XPOT: variants seen among roughly 807,000 people sequenced by gnomAD.
The protein encoded by XPOT is exportin for tRNA, also known as exportin-T.
XPOT carries 34 observed loss-of-function variants against 128.2 expected under a neutral mutation model. The ratio of observed to expected loss-of-function variants is 0.27; its 90% confidence interval spans 0.20 to 0.35. The LOEUF (loss-of-function observed/expected upper bound fraction) is 0.35. Among genes scored for constraint, XPOT ranks in the 10% least tolerant of loss-of-function variants. XPOT has a pLI of 1.00. For synonymous variants in XPOT, 348 were observed against 394.3 expected, an observed-to-expected ratio of 0.88 and a Z score of 1.39; for missense variants, 838 against 1,125.3, an observed-to-expected ratio of 0.74 and a Z score of 3.65.
In XPOT at chr12:64,404,506, G is replaced by C. The variant is rs1036898403; in HGVS notation, c.-373G>C. 1.3e-5 allele frequency: 2 copies of C among 158,438 alleles called. No individual in the cohort carries two copies. Among genetic ancestry groups the C allele is most frequent in the African/African-American group, 2.4e-5 (1 of 41,428 alleles). 9.8% of individuals were successfully genotyped at this position (158,438 alleles called of 1,614,324 possible). On this transcript the variant is annotated 5_prime_UTR_variant, in exon 1 of 25. Transcript: ENST00000332707. ...TGCGGCGGCGGCGGCGGCGTTAGCC[G>C]GCCCTCGCGCTCTTTCCCTTCCTGG...
chr12:64,419,816 T>TA, intron 6 of XPOT, among the ~76,000 whole-genome samples: 1 of 152,312 alleles, frequency 6.6e-6, no homozygotes, highest in Admixed American at 6.5e-5. Flanking sequence ...AGAAATAACT[T>TA]AAAATATGCT....
chr12:64,438,227 T>C (rs1481984306), intron 22 of XPOT, among the ~76,000 whole-genome samples: 2 of 152,230 alleles, frequency 1.3e-5, no homozygotes, highest in African/African-American at 2.4e-5. Context: ...TTAAAGTGTT[T>C]TGCTTCAGAA....
chr12:64,405,893 G>T (rs930125289), intron 1 of XPOT, among the ~76,000 whole-genome samples: 1 of 152,208 alleles, frequency 6.6e-6, no homozygotes, highest in Non-Finnish European at 1.5e-5. Context: ...TGGGATTACA[G>T]GCGTGAGCCA....
intron 15 of XPOT, among the ~76,000 whole-genome samples, chr12:64,427,356 G>GA (rs2040201483): frequency 1.3e-5 from 2 of 152,002 alleles, no homozygotes; most frequent in African/African-American, 4.8e-5. Flanking sequence ...CCTGACCTGA[G>GA]ATGATCCACC....
intron 8 of XPOT, 93 bp from the exon 9 acceptor site, chr12:64,421,142 C>G (rs1020203700): frequency 2.2e-6 from 2 of 914,812 alleles, no homozygotes; most frequent in African/African-American, 3.3e-5. Flanking sequence ...AAATTGAATC[C>G]TGTAATTAGC....
chr12:64,433,489 G>A lies in XPOT; in HGVS notation c.2338G>A (p.Ala780Thr). The A allele has an allele frequency of 6.2e-7, 1 of 1,610,942 alleles. No homozygotes were observed. The highest frequency in any genetic ancestry group is 1.1e-5 in the South Asian group (1 of 90,592). Residue 780 changes from alanine (A) to threonine (T), a missense_variant, in exon 19 of 25, where the codon GCA becomes ACA. Coordinates refer to ENST00000332707, the MANE Select transcript of XPOT (RefSeq NM_007235.6). ...AATTTTTGAAGTGCTGCTCCGGCCA[G>A]CAGAAGAAAATGACCAGTCTGCTGC... ...HAIFEVLLRP[A>T]EENDQSAALE...
chr12:64,443,921 A>T (rs2040347084), intron 23 of XPOT, among the ~76,000 whole-genome samples: 1 of 152,222 alleles, frequency 6.6e-6, no homozygotes, highest in Non-Finnish European at 1.5e-5. Context: ...ATCATTTGAT[A>T]TGTAAATAAA....
chr12:64,447,293 G>A (rs973216209), intron 24 of XPOT, among the ~76,000 whole-genome samples: 3 of 152,114 alleles, frequency 2.0e-5, no homozygotes, highest in Admixed American at 1.3e-4. Flanking sequence ...ATTATGTCTG[G>A]TGCTCACCTG....
chr12:64,418,702 T>G (rs529157536), intron 5 of XPOT, among the ~76,000 whole-genome samples, 174 bp from the exon 6 acceptor site: 1 of 152,318 alleles, frequency 6.6e-6, no homozygotes, highest in African/African-American at 2.4e-5. Context: ...ACTTAAATAC[T>G]TTTGATAATT....
At chr12:64,417,750 A>G (rs1268408149) in intron 4 of XPOT, among the ~76,000 whole-genome samples, 3 of 152,226 alleles carry the variant, frequency 2.0e-5, no homozygotes, top group Admixed American at 6.5e-5. Context: ...TAGTTCACCT[A>G]TTGGTTTATT....
At chr12:64,418,024 T>G in intron 4 of XPOT, 22 bp from the exon 5 acceptor site, 1 of 1,591,588 alleles carries the variant, frequency 6.3e-7, no homozygotes, top group East Asian at 2.2e-5. Context: ...CCATTATTCT[T>G]TTTCTTCTCT....
At chr12:64,415,535 C>T (rs145883364) in intron 3 of XPOT, among the ~76,000 whole-genome samples, 1,945 of 151,994 alleles carry the variant, frequency 0.013, 44 homozygotes, top group African/African-American at 0.043. Context: ...TCACCATGCC[C>T]GGCTAATTTT....
chr12:64,406,594 C>G (rs1309079925), intron 1 of XPOT, among the ~76,000 whole-genome samples: 1 of 151,798 alleles, frequency 6.6e-6, no homozygotes, highest in African/African-American at 2.4e-5. Flanking sequence ...GTCTCGAACT[C>G]CCGACCTCAG....
intron 2 of XPOT, among the ~76,000 whole-genome samples, chr12:64,411,061 T>G (rs1191919727): frequency 6.6e-6 from 1 of 152,252 alleles, no homozygotes; most frequent in Non-Finnish European, 1.5e-5. Context: ...CAGTACCATG[T>G]GCATGTCTCT....
In XPOT at chr12:64,449,589, C is replaced by T. The variant is rs1378275944; in HGVS notation, c.*1458C>T. 1 of 152,174 alleles carries T rather than the reference C, an allele frequency of 6.6e-6. No homozygotes were observed. Among genetic ancestry groups the T allele is most frequent in the East Asian group, 1.9e-4 (1 of 5,200 alleles). The allele number at this position is 152,174 out of a possible 1,614,324, so 9.4% of individuals were successfully genotyped here. On this transcript the variant is annotated 3_prime_UTR_variant, in exon 25 of 25. Coordinates refer to ENST00000332707, the MANE Select transcript of XPOT (RefSeq NM_007235.6). ...CTTATAAACTCTGTAAAATTCTATT[C>T]TAAATTTTGTACATTTATTTTGTTC...
chr12:64,446,625 T>G (rs1011823751), intron 24 of XPOT, among the ~76,000 whole-genome samples: 1 of 149,518 alleles, frequency 6.7e-6, no homozygotes, highest in Admixed American at 6.6e-5. Flanking sequence ...GGCACTTAAT[T>G]TTTTTTTTTT....
intron 24 of XPOT, 36 bp from the exon 25 acceptor site, chr12:64,448,069 A>T (rs1160139810): frequency 6.3e-7 from 1 of 1,597,866 alleles, no homozygotes; most frequent in Non-Finnish European, 8.6e-7. Flanking sequence ...ATATCTTCTG[A>T]CATTAGTATT....
intron 18 of XPOT, among the ~76,000 whole-genome samples, chr12:64,432,553 T>C (rs369935179): frequency 3.3e-5 from 5 of 152,200 alleles, no homozygotes; most frequent in East Asian, 3.9e-4. Flanking sequence ...CATAGTACTT[T>C]CTATGTTCAA....
rs1206576463 is a variant in XPOT at position 64,445,123 on chromosome 12, T to C, written c.2854T>C (p.Tyr952His). The part of the protein sequence containing the change: ...QQPDAKVFKN[Y>H]LKVFFQRAKP ...GCCTGATGCTAAAGTTTTTAAAAAT[T>C]ACTTAAAGGTAGGTATTTGTGAAGC... The change falls in exon 24 of 25, where the codon TAC becomes CAC. Residue 952 changes from tyrosine to histidine, a missense_variant. This residue lies in a region of XPOT where 56 missense variants were observed against 79.2 expected (regional missense o/e 0.71). Coordinates refer to ENST00000332707, the MANE Select transcript of XPOT (RefSeq NM_007235.6). 6.2e-7 allele frequency: 1 copy of C among 1,610,246 alleles called. No homozygotes were observed. Among genetic ancestry groups the C allele is most frequent in the Non-Finnish European group, 8.5e-7 (1 of 1,178,160 alleles).
Sources: allele counts gnomAD v4.1 joint callset (sites outside exome capture counted in the v4.1 genomes callset), GRCh38; gene constraint gnomAD v4.1.1; regional missense constraint gnomAD v4.1.1; transcripts MANE v1.5; gene names NCBI Gene and HGNC (gene_info 2026-07-23, HGNC 2026-07-21).